The following EFEMP1 variants were observed in gnomAD, a reference collection of about 807,000 sequenced individuals.
EFEMP1 encodes EGF-like fibulin extracellular matrix protein 1.
EFEMP1 carries 18 observed loss-of-function variants against 65.7 expected under a neutral mutation model. That is an observed-to-expected ratio of 0.27 (90% CI 0.19 to 0.41). The LOEUF (loss-of-function observed/expected upper bound fraction) is 0.41, where lower values mean the gene tolerates loss of function less well. EFEMP1 is among the 10% of genes least tolerant of loss of function. EFEMP1 has a pLI of 1.00. For missense variants in EFEMP1, 469 were observed against 624.8 expected, an observed-to-expected ratio of 0.75 and a Z score of 2.66; for synonymous variants, 237 against 219.7, an observed-to-expected ratio of 1.08 and a Z score of -0.70.
intron 5 of EFEMP1, among the ~76,000 whole-genome samples, chr2:55,903,505 A>G (rs1430195): frequency 0.38 from 58,451 of 151,940 alleles, 12,874 homozygotes; most frequent in African/African-American, 0.61. Flanking sequence ...TTAGAAATGT[A>G]TAATGTCATG....
rs1192454518 is a variant in EFEMP1 at position 55,918,063 on chromosome 2, A to G, written c.131-12T>C. On this transcript the variant is annotated splice_polypyrimidine_tract_variant and intron_variant, in intron 4 of 11. Transcript: ENST00000355426. Reference sequence around the variant, plus strand: ...ACATTCATCAATATCTGTGGTCAGTAATAAAATAAGTCAGGAATCTTCTAA... The same window carrying G: ...ACATTCATCAATATCTGTGGTCAGTGATAAAATAAGTCAGGAATCTTCTAA... The G allele has an allele frequency of 2.5e-6, 4 of 1,614,230 alleles. No individual in the cohort carries two copies. The highest frequency in any genetic ancestry group is 2.5e-6 in the Non-Finnish European group (3 of 1,180,042).
At chr2:55,916,904 T>G (rs1246368673) in intron 5 of EFEMP1, among the ~76,000 whole-genome samples, 1 of 152,234 alleles carries the variant, frequency 6.6e-6, no homozygotes, top group Non-Finnish European at 1.5e-5. Context: ...CAGCTGTTTC[T>G]AGAATACACA....
chr2:55,877,891 G>C lies in EFEMP1; in HGVS notation c.641-26C>G. 1 of 1,611,818 alleles carries C rather than the reference G, an allele frequency of 6.2e-7. No homozygotes were observed. The highest frequency in any genetic ancestry group is 8.5e-7 in the Non-Finnish European group (1 of 1,178,332). On this transcript the variant is annotated intron_variant, in intron 6 of 11. Transcript: ENST00000355426. This position sits in a 1 kb window ranked among gnomAD's most constrained non-coding sequence, Gnocchi z 4.5. ...CTAGGTTATCAGGCACACACACAAA[G>C]AGAACCAAATTATTGAATTAGCATT... is the stretch of plus-strand genomic sequence containing the variant.
At chr2:55,911,399 G>A (rs777579257) in intron 5 of EFEMP1, among the ~76,000 whole-genome samples, 3 of 152,062 alleles carry the variant, frequency 2.0e-5, no homozygotes, top group Non-Finnish European at 4.4e-5. Flanking sequence ...TTAAGATTAA[G>A]TTAAGGCATT....
At chr2:55,881,838 G>A (rs1669255223) in intron 5 of EFEMP1, 104 bp from the exon 6 acceptor site, 1 of 1,377,408 alleles carries the variant, frequency 7.3e-7, no homozygotes, top group South Asian at 1.2e-5. Flanking sequence ...ATTCTTAAAA[G>A]TTTATAATGT....
intron 5 of EFEMP1, among the ~76,000 whole-genome samples, chr2:55,905,148 C>G (rs926382775): frequency 7.9e-5 from 12 of 152,064 alleles, no homozygotes; most frequent in African/African-American, 2.9e-4. Flanking sequence ...AAGATTTACA[C>G]TGAAAAATAA....
intron 5 of EFEMP1, among the ~76,000 whole-genome samples, chr2:55,900,689 A>G (rs1363734307): frequency 1.3e-5 from 2 of 152,118 alleles, no homozygotes; most frequent in Non-Finnish European, 2.9e-5. Flanking sequence ...TTAATTGACA[A>G]TCTGGCTACT....
intron 5 of EFEMP1, among the ~76,000 whole-genome samples, chr2:55,888,270 G>A (rs183954247): frequency 6.7e-6 from 1 of 149,490 alleles, no homozygotes; most frequent in East Asian, 2.0e-4. Flanking sequence ...ATTGTTAGGA[G>A]TATTTTCTGG....
chr2:55,910,602 TC>T lies in EFEMP1; in HGVS notation c.517+7062del, dbSNP rs553733201. On this transcript the variant is annotated intron_variant, in intron 5 of 11. Transcript: ENST00000355426. ...ATAATGAGCCAGTACCAGTGCACTT[TC>T]CTGAAGTTACCCGGGCTTGCAATTC... 2.1e-3 allele frequency among the ~76,000 whole-genome samples: 320 copies of T among 152,330 alleles called. 1 individual carries two copies. Among genetic ancestry groups the T allele is most frequent in the Admixed American group, 6.7e-3 (102 of 15,294 alleles).
rs1195633377 is a variant in EFEMP1, at chr2:55,883,650, C to T, written c.518-1916G>A. ...CAGTGACTGAGGCTTTTCTTTTTGA[C>T]ATCTATCTGCAAACTGCCTCCACCC... On this transcript the variant is annotated intron_variant, in intron 5 of 11. Coordinates refer to ENST00000355426, the MANE Select transcript of EFEMP1 (RefSeq NM_001039348.3). The surrounding 1 kb of genome is among the most constrained non-coding windows in gnomAD (Gnocchi z 4.5). Among the ~76,000 whole-genome samples the T allele has an allele frequency of 6.6e-6, 1 of 152,154 alleles. No homozygotes were observed. The highest frequency in any genetic ancestry group is 1.5e-5 in the Non-Finnish European group (1 of 68,038).
At chr2:55,872,091 A>AAT (rs1404513238) in intron 9 of EFEMP1, among the ~76,000 whole-genome samples, 1 of 149,032 alleles carries the variant, frequency 6.7e-6, no homozygotes, top group African/African-American at 2.6e-5. Flanking sequence ...CAACAACAAT[A>AAT]AAAATAAAAT....
At chr2:55,889,309 A>G (rs1289574972) in intron 5 of EFEMP1, among the ~76,000 whole-genome samples, 1 of 152,232 alleles carries the variant, frequency 6.6e-6, no homozygotes, top group Non-Finnish European at 1.5e-5. Flanking sequence ...GAGGCATACT[A>G]CTAAATTTGG....
At chr2:55,884,657 T>A (rs1468397089) in intron 5 of EFEMP1, among the ~76,000 whole-genome samples, 3 of 152,236 alleles carry the variant, frequency 2.0e-5, no homozygotes, top group African/African-American at 4.8e-5. Context: ...GCTTTATTTA[T>A]AAGGGAAACT....
rs1297917620 is a variant in EFEMP1, at chr2:55,919,094, A to T, written c.82-827T>A. Among the ~76,000 whole-genome samples the T allele has an allele frequency of 1.3e-5, 2 of 152,340 alleles. No homozygotes were observed. Among genetic ancestry groups the T allele is most frequent in the East Asian group, 3.9e-4 (2 of 5,182 alleles). ...AGGAGGTGACAGTAAATCAGGCTTT[A>T]CAGGATGAGCAGGATTTTTCCAGGT... is the stretch of plus-strand genomic sequence containing the variant. On this transcript the variant is annotated intron_variant, in intron 3 of 11. Transcript: ENST00000355426. The surrounding 1 kb of genome is among the most constrained non-coding windows in gnomAD (Gnocchi z 4.5).
Position 55,881,767 on chromosome 2 carries a change from C to T in EFEMP1, c.518-33G>A, listed in dbSNP as rs2104392427. On this transcript the variant is annotated intron_variant, in intron 5 of 11. Coordinates refer to ENST00000355426, the MANE Select transcript of EFEMP1 (RefSeq NM_001039348.3). ...AGACATGCAACACAGAAAGAATTGT[C>T]AGTTGTGAAGATGTTGATATTTCCT... 3 of 1,613,620 alleles carry T rather than the reference C, an allele frequency of 1.9e-6. No individual in the cohort carries two copies. In the East Asian group the frequency reaches 6.7e-5, roughly 36 times the overall value.
At position 55,871,088 on chromosome 2, in the gene EFEMP1, C is replaced by T. The variant is rs576071059; in HGVS notation, c.1036G>A (p.Glu346Lys). Reference sequence around the variant, plus strand: ...TGATAATTCCAACACATTTCATCCTCCCGGCATTCATTTGTGGTCTCACAC... The same window carrying T: ...TGATAATTCCAACACATTTCATCCTTCCGGCATTCATTTGTGGTCTCACAC... ...NECETTNECREDEMCWNYHGG... is the reference protein window; with the variant it reads ...NECETTNECRKDEMCWNYHGG... Residue 346 changes from glutamate (E) to lysine (K), a missense_variant, in exon 10 of 12, where the codon GAG becomes AAG. This residue lies in a region of EFEMP1 where 399 missense variants were observed against 528.2 expected (regional missense o/e 0.76). Coordinates refer to ENST00000355426, the MANE Select transcript of EFEMP1 (RefSeq NM_001039348.3). The surrounding 1 kb of genome is among the most constrained non-coding windows in gnomAD (Gnocchi z 4.2). The T allele has an allele frequency of 6.2e-7, 1 of 1,613,694 alleles. No individual in the cohort carries two copies. Among genetic ancestry groups the T allele is most frequent in the South Asian group, 1.1e-5 (1 of 91,080 alleles).
rs966295820 is a variant in EFEMP1 at position 55,907,685 on chromosome 2, C to G, written c.517+9980G>C. Among the ~76,000 whole-genome samples, 5 of 152,202 alleles carry G rather than the reference C, an allele frequency of 3.3e-5. No homozygotes were observed. The South Asian group carries it at 6.2e-4, about 19-fold the overall frequency. ...ATCATCATTGAATAAAAATTCTTCC[C>G]TAACCCGGGTTGTGACAGACTTGGT... On this transcript the variant is annotated intron_variant, in intron 5 of 11. Coordinates refer to ENST00000355426, the MANE Select transcript of EFEMP1 (RefSeq NM_001039348.3).
chr2:55,874,750 C>T (rs1668959311), intron 9 of EFEMP1, among the ~76,000 whole-genome samples, 196 bp downstream of exon 9: 1 of 151,372 alleles, frequency 6.6e-6, no homozygotes, highest in African/African-American at 2.4e-5. Context: ...CTTTTAAGGA[C>T]GAAAAATGTC....
At chr2:55,904,840 A>G (rs1303707500) in intron 5 of EFEMP1, among the ~76,000 whole-genome samples, 1 of 151,984 alleles carries the variant, frequency 6.6e-6, no homozygotes, top group African/African-American at 2.4e-5. Context: ...CTCACAGTAA[A>G]TCTCTCTCCC....
Sources: allele counts gnomAD v4.1 joint callset (sites outside exome capture counted in the v4.1 genomes callset), GRCh38; gene constraint gnomAD v4.1.1; regional missense constraint gnomAD v4.1.1; non-coding constraint Gnocchi (gnomAD v3.1); transcripts MANE v1.5; gene names NCBI Gene and HGNC (gene_info 2026-07-23, HGNC 2026-07-21).